TRPS1: variants seen among roughly 807,000 people sequenced by gnomAD.
TRPS1 encodes transcriptional repressor GATA binding 1.
A neutral mutation model predicts 101.2 loss-of-function variants in TRPS1; 6 were observed. The ratio of observed to expected loss-of-function variants is 0.06; its 90% CI spans 0.03 to 0.12. The LOEUF (loss-of-function observed/expected upper bound fraction) is 0.12, where lower values mean the gene tolerates loss of function less well. Among genes scored for constraint, TRPS1 ranks in the 10% least tolerant of loss-of-function variants. The pLI, the probability that TRPS1 is intolerant of heterozygous loss-of-function variation, is 1.00. For missense variants in TRPS1, 1,363 were observed against 1,567.0 expected, an observed-to-expected ratio of 0.87 and a Z score of 2.20; for synonymous variants, 578 against 589.8, an observed-to-expected ratio of 0.98 and a Z score of 0.29.
At chr8:115,637,246 G>C (rs1445021322) in intron 1 of TRPS1, 1 of 985,344 alleles carries the variant, frequency 1.0e-6, no homozygotes, top group Non-Finnish European at 1.2e-6. Flanking sequence ...GGAAGACGTG[G>C]TTGCCAAGGT....
intron 5 of TRPS1, among the ~76,000 whole-genome samples, chr8:115,515,825 T>A (rs940922580): frequency 6.6e-6 from 1 of 151,488 alleles, no homozygotes; most frequent in African/African-American, 2.4e-5. Flanking sequence ...AAATGGTCCT[T>A]GTCAGTTAGT....
At chr8:115,523,320 A>C (rs192312039) in intron 5 of TRPS1, among the ~76,000 whole-genome samples, 27 of 152,144 alleles carry the variant, frequency 1.8e-4, no homozygotes, top group Non-Finnish European at 3.2e-4. Context: ...ATAGTGTTTG[A>C]TCTCCCTTCC....
intron 5 of TRPS1, among the ~76,000 whole-genome samples, chr8:115,507,903 T>G (rs1815486833): frequency 6.6e-6 from 1 of 152,052 alleles, no homozygotes; most frequent in Non-Finnish European, 1.5e-5. Context: ...GTACTGTCAT[T>G]GCATGATTGG....
chr8:115,517,410 T>C (rs1275524205), intron 5 of TRPS1, among the ~76,000 whole-genome samples: 3 of 151,438 alleles, frequency 2.0e-5, no homozygotes, highest in Non-Finnish European at 4.4e-5. Flanking sequence ...GGGAACTTAT[T>C]CCTCATGCAA....
intron 5 of TRPS1, among the ~76,000 whole-genome samples, chr8:115,515,546 C>G (rs1015065896): frequency 6.7e-6 from 1 of 149,368 alleles, no homozygotes; most frequent in African/African-American, 2.5e-5. Flanking sequence ...CTTATACTTT[C>G]TAAATAAATG....
intron 5 of TRPS1, among the ~76,000 whole-genome samples, chr8:115,525,714 C>T (rs1171102089): frequency 6.6e-6 from 1 of 152,132 alleles, no homozygotes; most frequent in Non-Finnish European, 1.5e-5. Flanking sequence ...ATTGTCTTCA[C>T]AGCTATTTCT....
rs369809302 is a variant in TRPS1 at position 115,621,618 on chromosome 8, T to G, written c.38-1558A>C. On this transcript the variant is annotated intron_variant, in intron 2 of 6. Coordinates refer to ENST00000395715, the MANE Select transcript of TRPS1 (RefSeq NM_014112.5). Reference sequence around the variant, plus strand: ...ATGTGAAAAATAGCATAATGGTACTTAAGAAAGTACACTGGGCCAAGCACA... The same window carrying G: ...ATGTGAAAAATAGCATAATGGTACTGAAGAAAGTACACTGGGCCAAGCACA... Among the ~76,000 whole-genome samples, 194 of 152,230 alleles carry G rather than the reference T, an allele frequency of 1.3e-3. 4 individuals are homozygous for G. The highest frequency in any genetic ancestry group is 4.4e-3 in the African/African-American group (183 of 41,550).
chr8:115,459,346 A>AATAATAATAATG (rs745311494), intron 5 of TRPS1, among the ~76,000 whole-genome samples: 50 of 151,714 alleles, frequency 3.3e-4, no homozygotes, highest in Non-Finnish European at 7.1e-4. Flanking sequence ...TAATAATAAT[A>AATAATAATAATG]ATGATGTTAC....
At chr8:115,635,277 G>A (rs1818742074) in intron 1 of TRPS1, among the ~76,000 whole-genome samples, 1 of 152,066 alleles carries the variant, frequency 6.6e-6, no homozygotes, top group African/African-American at 2.4e-5. Flanking sequence ...ATCCAAACAA[G>A]CTGATATGAG....
chr8:115,514,920 GA>G (rs1815673101), intron 5 of TRPS1, among the ~76,000 whole-genome samples: 3 of 151,476 alleles, frequency 2.0e-5, no homozygotes, highest in South Asian at 2.1e-4. Context: ...TTCCAGTGTA[GA>G]AAAAAAGAAT....
chr8:115,491,762 T>G (rs1437767336), intron 5 of TRPS1, among the ~76,000 whole-genome samples: 1 of 152,168 alleles, frequency 6.6e-6, no homozygotes, highest in African/African-American at 2.4e-5. Context: ...AACCGCCTGT[T>G]GCTGAGAACC....
At chr8:115,465,504 T>TA (rs2129991425) in intron 5 of TRPS1, among the ~76,000 whole-genome samples, 1 of 152,222 alleles carries the variant, frequency 6.6e-6, no homozygotes, top group South Asian at 2.1e-4. Context: ...TAAATTTATA[T>TA]AAAAAATAAG....
intron 5 of TRPS1, among the ~76,000 whole-genome samples, chr8:115,458,300 G>C (rs1410698207): frequency 7.2e-5 from 11 of 152,132 alleles, no homozygotes; most frequent in Admixed American, 7.2e-4. Context: ...TGGTATATAT[G>C]AATCTAAATC....
chr8:115,427,980 G>A (rs1291474561), intron 5 of TRPS1, among the ~76,000 whole-genome samples: 5 of 152,142 alleles, frequency 3.3e-5, no homozygotes, highest in Non-Finnish European at 7.4e-5. Flanking sequence ...CTCTCATAGC[G>A]CCTGCTACAT....
chr8:115,414,467 T>C lies in TRPS1; in HGVS notation c.3441A>G (p.Leu1147=), dbSNP rs1812864242. 1 of 1,613,904 alleles carries C rather than the reference T, an allele frequency of 6.2e-7. No individual in the cohort carries two copies. Among genetic ancestry groups the C allele is most frequent in the Non-Finnish European group, 8.5e-7 (1 of 1,179,960 alleles). Residue 1147 remains leucine, a synonymous_variant, in exon 7 of 7, where the codon CTA becomes CTG. Coordinates refer to ENST00000395715, the MANE Select transcript of TRPS1 (RefSeq NM_014112.5). This position sits in a 1 kb window ranked among gnomAD's most constrained non-coding sequence, Gnocchi z 4.8. ...NPHYLSHVPG[L]PNPCQNYVPY... is the part of the protein sequence containing the mutation. ...GCACATAGTTTTGGCAAGGATTTGGTAGGCCAGGCACGTGACTCAAGTAGT... is the reference window on the plus strand; with the variant it reads ...GCACATAGTTTTGGCAAGGATTTGGCAGGCCAGGCACGTGACTCAAGTAGT...
intron 6 of TRPS1, among the ~76,000 whole-genome samples, chr8:115,416,772 T>C (rs887430007): frequency 6.6e-6 from 1 of 152,026 alleles, no homozygotes; most frequent in Non-Finnish European, 1.5e-5. Flanking sequence ...TGACAATTCA[T>C]TGTTAGTTTA....
rs903843747 is a variant in TRPS1, at chr8:115,537,952, C to T, written c.2700+49049G>A. Among the ~76,000 whole-genome samples the T allele has an allele frequency of 2.0e-5, 3 of 152,322 alleles. No individual in the cohort carries two copies. The South Asian group carries it at 6.2e-4, about 32-fold the overall frequency. On this transcript the variant is annotated intron_variant, in intron 5 of 6. Coordinates refer to ENST00000395715, the MANE Select transcript of TRPS1 (RefSeq NM_014112.5). ...ACTGGGAATGAACCACAAGATACATCACTGTAAACTGCAGGGAGTGCTTCA... is the reference window on the plus strand; with the variant it reads ...ACTGGGAATGAACCACAAGATACATTACTGTAAACTGCAGGGAGTGCTTCA...
At chr8:115,651,254 A>G (rs1180492552) in intron 1 of TRPS1, among the ~76,000 whole-genome samples, 1 of 152,110 alleles carries the variant, frequency 6.6e-6, no homozygotes. Context: ...AGTTTCACTG[A>G]CACTGTCCCA....
intron 5 of TRPS1, among the ~76,000 whole-genome samples, chr8:115,517,846 T>A (rs1475134408): frequency 6.6e-6 from 1 of 151,786 alleles, no homozygotes; most frequent in Non-Finnish European, 1.5e-5. Context: ...GCCTTGATTG[T>A]TGCACTGTTT....
Sources: allele counts gnomAD v4.1 joint callset (sites outside exome capture counted in the v4.1 genomes callset), GRCh38; gene constraint gnomAD v4.1.1; non-coding constraint Gnocchi (gnomAD v3.1); transcripts MANE v1.5; gene names NCBI Gene and HGNC (gene_info 2026-07-23, HGNC 2026-07-21).